Variants in INPP5B observed in about 807,000 individuals in gnomAD.
The protein encoded by INPP5B is type II inositol 1,4,5-trisphosphate 5-phosphatase.
Under a neutral mutation model 118.5 loss-of-function variants are expected in INPP5B, and 90 were observed. The ratio of observed to expected loss-of-function variants is 0.76; its 90% CI spans 0.64 to 0.90. INPP5B has a LOEUF of 0.90. Among genes scored for constraint, INPP5B ranks in the 40% least tolerant of loss-of-function variants. INPP5B has a pLI of 0.00. For missense variants in INPP5B, 984 were observed against 1,125.6 expected, an observed-to-expected ratio of 0.87 and a Z score of 1.80; for synonymous variants, 385 against 418.9, an observed-to-expected ratio of 0.92 and a Z score of 0.99.
At chr1:37,901,823 C>A (rs1364585871) in intron 7 of INPP5B, among the ~76,000 whole-genome samples, 1 of 152,160 alleles carries the variant, frequency 6.6e-6, no homozygotes, top group Non-Finnish European at 1.5e-5. Context: ...AGTTCCCCCT[C>A]TGGCCACAGC....
intron 16 of INPP5B, among the ~76,000 whole-genome samples, chr1:37,877,471 A>C (rs1642914328): frequency 6.6e-6 from 1 of 152,248 alleles, no homozygotes; most frequent in African/African-American, 2.4e-5. Context: ...ATAAAACCCA[A>C]TATTGACAAG....
At chr1:37,864,148 G>C (rs1049298982) in intron 23 of INPP5B, among the ~76,000 whole-genome samples, 164 bp downstream of exon 23, 1 of 151,910 alleles carries the variant, frequency 6.6e-6, no homozygotes, top group African/African-American at 2.4e-5. Context: ...TGTTAGGAGT[G>C]GGGAGGAGTG....
chr1:37,914,600 A>G (rs1459259398), intron 7 of INPP5B, among the ~76,000 whole-genome samples: 1 of 152,118 alleles, frequency 6.6e-6, no homozygotes, highest in African/African-American at 2.4e-5. Flanking sequence ...CCATATCCCA[A>G]TTCCACCTTC....
intron 21 of INPP5B, 57 bp downstream of exon 21, chr1:37,866,402 T>TCACACACACACA (rs770631435): frequency 2.7e-4 from 184 of 681,128 alleles, no homozygotes; most frequent in East Asian, 1.4e-3. Flanking sequence ...TCTCTCTCTC[T>TCACACACACACA]CTCTCACACA....
intron 7 of INPP5B, among the ~76,000 whole-genome samples, chr1:37,927,380 G>A (rs1431306555): frequency 6.6e-6 from 1 of 152,074 alleles, no homozygotes; most frequent in Non-Finnish European, 1.5e-5. Flanking sequence ...TAAAGTCAGT[G>A]CAAGCTGGGC....
At chr1:37,898,920 G>A (rs1032536069) in intron 7 of INPP5B, among the ~76,000 whole-genome samples, 2 of 151,620 alleles carry the variant, frequency 1.3e-5, no homozygotes, top group African/African-American at 2.4e-5. Flanking sequence ...AGTGGCTCAC[G>A]TCTGTAATCC....
chr1:37,877,203 G>C (rs1042004005), intron 16 of INPP5B, among the ~76,000 whole-genome samples: 2 of 151,560 alleles, frequency 1.3e-5, no homozygotes, highest in Non-Finnish European at 2.9e-5. Flanking sequence ...ATAGCCAGAC[G>C]TGGTGTAATG....
In INPP5B at chr1:37,874,119, C is replaced by T. The variant is rs761212398; in HGVS notation, c.1825G>A (p.Val609Ile). The change falls in exon 18 of 24, where the codon GTA (valine) becomes ATA (isoleucine). Residue 609 changes from valine (V) to isoleucine (I), a missense_variant. Physicochemically the swap from Val to Ile is conservative, Grantham distance 29. Coordinates refer to ENST00000373024, the MANE Select transcript of INPP5B (RefSeq NM_005540.3). ...FQNVKYMQLK[V>I]ESFTIHNGQV... ...CCATTATGAATTGTAAAGGATTCTACTTTCAATTGCATGTACTTCACATTC... is the reference window on the plus strand; with the variant it reads ...CCATTATGAATTGTAAAGGATTCTATTTTCAATTGCATGTACTTCACATTC... The T allele has an allele frequency of 2.5e-6, 4 of 1,592,722 alleles. No individual in the cohort carries two copies. The highest frequency in any genetic ancestry group is 3.4e-6 in the Non-Finnish European group (4 of 1,164,156).
At chr1:37,937,779 A>T (rs1645751242) in intron 6 of INPP5B, among the ~76,000 whole-genome samples, 1 of 151,216 alleles carries the variant, frequency 6.6e-6, no homozygotes, top group Non-Finnish European at 1.5e-5. Flanking sequence ...AAAATAAAAT[A>T]AAATAAAATA....
At chr1:37,909,683 TTTA>T (rs1372286169) in intron 7 of INPP5B, among the ~76,000 whole-genome samples, 2 of 152,072 alleles carry the variant, frequency 1.3e-5, no homozygotes, top group Non-Finnish European at 2.9e-5. Flanking sequence ...CAATACACAT[TTTA>T]TTACCCAACC....
Position 37,890,161 on chromosome 1 carries a change from G to A in INPP5B, c.630-437C>T, listed in dbSNP as rs369012083. Among the ~76,000 whole-genome samples, 13 of 152,240 alleles carry A rather than the reference G, an allele frequency of 8.5e-5. No homozygotes were observed. In the South Asian group the frequency reaches 1.5e-3, roughly 17 times the overall value. ...AGGCCAAGGGAGGCAACTCACTTGAGGCCAGGAGTTCGAGATCAGCCTGGC... is the reference window on the plus strand; with the variant it reads ...AGGCCAAGGGAGGCAACTCACTTGAAGCCAGGAGTTCGAGATCAGCCTGGC... On this transcript the variant is annotated intron_variant, in intron 8 of 23. Transcript: ENST00000373024.
intron 19 of INPP5B, among the ~76,000 whole-genome samples, chr1:37,872,182 C>T (rs1039473659): frequency 9.3e-5 from 14 of 150,388 alleles, no homozygotes; most frequent in African/African-American, 2.0e-4. Context: ...GTCTGACCAA[C>T]GTGGAGAAAC....
At chr1:37,878,986 G>T (rs936581759) in intron 15 of INPP5B, among the ~76,000 whole-genome samples, 1 of 150,406 alleles carries the variant, frequency 6.6e-6, no homozygotes, top group Admixed American at 6.6e-5. Flanking sequence ...GGCCAGGCAC[G>T]GTGGCTCACG....
At chr1:37,936,848 T>C (rs1048027169) in intron 6 of INPP5B, among the ~76,000 whole-genome samples, 1 of 150,958 alleles carries the variant, frequency 6.6e-6, no homozygotes, top group African/African-American at 2.4e-5. Context: ...ATTACAGGCA[T>C]GAGCCACCGT....
chr1:37,946,191 T>C (rs1646105113), intron 2 of INPP5B, 61 bp downstream of exon 2: 2 of 1,504,704 alleles, frequency 1.3e-6, no homozygotes, highest in Non-Finnish European at 1.8e-6. Flanking sequence ...CCTCGACACC[T>C]TCCATTCCTC....
rs1323925668 is a variant in INPP5B at position 37,863,546 on chromosome 1, G to A, written c.2626+766C>T. Among the ~76,000 whole-genome samples the A allele has an allele frequency of 2.6e-5, 4 of 151,214 alleles. No homozygotes were observed. The South Asian group carries it at 6.3e-4, about 24-fold the overall frequency. ...TTAAATTAAATTAAATTAAAAAGCT[G>A]GGCATAGTGGCAAGCGCCTATAATC... On this transcript the variant is annotated intron_variant, in intron 23 of 23. Transcript: ENST00000373024.
intron 15 of INPP5B, 90 bp from the exon 16 acceptor site, chr1:37,878,413 ATCAGGGCCT>A: frequency 6.5e-7 from 1 of 1,550,108 alleles, no homozygotes. Context: ...GGAGTGATGA[ATCAGGGCCT>A]TCATGTCCAT....
intron 5 of INPP5B, among the ~76,000 whole-genome samples, chr1:37,943,409 G>A (rs569799127): frequency 1.2e-4 from 18 of 152,208 alleles, no homozygotes; most frequent in Non-Finnish European, 2.4e-4. Context: ...AGAGGACAGC[G>A]TGTGCAGGGG....
At chr1:37,943,942 C>T in intron 3 of INPP5B, 49 bp from the exon 4 acceptor site, 2 of 1,384,014 alleles carry the variant, frequency 1.4e-6, no homozygotes, top group Non-Finnish European at 2.1e-6. Context: ...GGCTGTCCCT[C>T]AGCCCTATCT....
Sources: gnomAD v4.1 joint callset for allele counts (sites outside exome capture counted in the v4.1 genomes callset) on GRCh38, gnomAD v4.1.1 for gene constraint, MANE v1.5 for transcripts, NCBI Gene and HGNC (gene_info 2026-07-23, HGNC 2026-07-21) for gene names.